The following KCND3 variants were observed in gnomAD, a reference collection of about 807,000 sequenced individuals.
The protein encoded by KCND3 is A-type voltage-gated potassium channel KCND3.
A neutral mutation model predicts 51.1 loss-of-function variants in KCND3; 9 were observed. The observed-to-expected ratio is 0.18, with a 90% CI of 0.11 to 0.31. KCND3 has a LOEUF of 0.31. KCND3 is among the 10% of genes least tolerant of loss of function. The probability of loss-of-function intolerance (pLI) is 1.00; values close to 1 mark genes in which losing one functional copy is unlikely to be tolerated. For missense variants in KCND3, 526 were observed against 903.8 expected (o/e 0.58, Z 5.36); for synonymous variants, 349 against 368.0 (o/e 0.95, Z 0.59).
intron 3 of KCND3, among the ~76,000 whole-genome samples, chr1:111,781,269 A>G (rs1269111839): frequency 2.0e-5 from 3 of 152,152 alleles, no homozygotes; most frequent in African/African-American, 4.8e-5. Context: ...GAGTGGGCCT[A>G]TGTGCTCTTC....
At chr1:111,870,337 T>C (rs1229156113) in intron 2 of KCND3, among the ~76,000 whole-genome samples, 3 of 152,106 alleles carry the variant, frequency 2.0e-5, no homozygotes, top group Non-Finnish European at 4.4e-5. Flanking sequence ...TAGGGGGCAA[T>C]TGCAGTGCAG....
chr1:111,858,610 T>C (rs1396493963), intron 2 of KCND3, among the ~76,000 whole-genome samples: 1 of 152,198 alleles, frequency 6.6e-6, no homozygotes, highest in African/African-American at 2.4e-5. Context: ...CCTAAAAGTG[T>C]TGTGGGCCCT....
At chr1:111,892,849 T>C (rs1275271839) in intron 2 of KCND3, among the ~76,000 whole-genome samples, 1 of 152,194 alleles carries the variant, frequency 6.6e-6, no homozygotes, top group African/African-American at 2.4e-5. Flanking sequence ...AGGAAGACTT[T>C]CTGAAAACCA....
intron 2 of KCND3, among the ~76,000 whole-genome samples, chr1:111,809,394 C>T (rs1046863181): frequency 2.0e-5 from 3 of 151,852 alleles, no homozygotes; most frequent in East Asian, 1.9e-4. Flanking sequence ...CTGCAAGCTC[C>T]GCCTCCCAGG....
chr1:111,833,437 A>G (rs1666932999), intron 2 of KCND3, among the ~76,000 whole-genome samples: 1 of 152,260 alleles, frequency 6.6e-6, no homozygotes, highest in African/African-American at 2.4e-5. Flanking sequence ...AATGACAAGG[A>G]GCCTGAGGCC....
At chr1:111,908,366 A>G (rs972734710) in intron 2 of KCND3, among the ~76,000 whole-genome samples, 2 of 152,222 alleles carry the variant, frequency 1.3e-5, no homozygotes, top group Non-Finnish European at 2.9e-5. Context: ...ACCCTTTTGG[A>G]ATGTTCTGAA....
At chr1:111,926,813 C>G (rs982678049) in intron 2 of KCND3, among the ~76,000 whole-genome samples, 1 of 152,276 alleles carries the variant, frequency 6.6e-6, no homozygotes, top group Admixed American at 6.5e-5. Flanking sequence ...ACTGCTAGAT[C>G]GTCAGCCTGG....
At chr1:111,912,319 C>CATGCATT (rs1670991651) in intron 2 of KCND3, among the ~76,000 whole-genome samples, 4 of 152,228 alleles carry the variant, frequency 2.6e-5, no homozygotes, top group Admixed American at 2.0e-4. Context: ...GTCATCTTAA[C>CATGCATT]ACTGTAGTGC....
chr1:111,882,406 G>A (rs1669374906), intron 2 of KCND3, among the ~76,000 whole-genome samples: 1 of 152,226 alleles, frequency 6.6e-6, no homozygotes, highest in Admixed American at 6.5e-5. Context: ...AAGATGACCT[G>A]CTGCTGGTCT....
chr1:111,961,206 T>C (rs1673637291), intron 2 of KCND3, among the ~76,000 whole-genome samples: 1 of 152,186 alleles, frequency 6.6e-6, no homozygotes. Flanking sequence ...ACATATGCAG[T>C]GTGTGTCCTC....
At chr1:111,811,571 G>T (rs1365829594) in intron 2 of KCND3, among the ~76,000 whole-genome samples, 2 of 152,064 alleles carry the variant, frequency 1.3e-5, no homozygotes, top group Non-Finnish European at 2.9e-5. Context: ...TTAAGGTTTG[G>T]GTATTTCTGA....
At chr1:111,805,722 T>TTA (rs1665535520) in intron 2 of KCND3, among the ~76,000 whole-genome samples, 1 of 152,172 alleles carries the variant, frequency 6.6e-6, no homozygotes, top group African/African-American at 2.4e-5. Context: ...CTGGCCCATG[T>TTA]GGCTAGGGGA....
intron 2 of KCND3, among the ~76,000 whole-genome samples, chr1:111,958,536 A>G (rs1673459380): frequency 6.6e-6 from 1 of 152,246 alleles, no homozygotes; most frequent in Non-Finnish European, 1.5e-5. Context: ...TAGAAACAGG[A>G]AAATTAAGTA....
chr1:111,961,092 C>T (rs147605499), intron 2 of KCND3, among the ~76,000 whole-genome samples: 1,697 of 152,260 alleles, frequency 0.011, 30 homozygotes, highest in African/African-American at 0.039. Context: ...TCCAGGGACC[C>T]GGGCTACAGC....
intron 2 of KCND3, among the ~76,000 whole-genome samples, chr1:111,971,459 T>C (rs572974116): frequency 3.3e-5 from 5 of 152,318 alleles, no homozygotes; most frequent in Non-Finnish European, 5.9e-5. Context: ...AAGCTGTTCA[T>C]AGACAGCACC....
At chr1:111,955,728 A>G (rs539828533) in intron 2 of KCND3, among the ~76,000 whole-genome samples, 1 of 152,378 alleles carries the variant, frequency 6.6e-6, no homozygotes, top group South Asian at 2.1e-4. Context: ...ACTCAATGAA[A>G]GAATGAATTC....
At position 111,982,810 on chromosome 1, in the gene KCND3, G is replaced by A. The variant is rs1003551153; in HGVS notation, c.-72-12C>T. 6.6e-7 allele frequency: 1 copy of A among 1,523,076 alleles called. No individual in the cohort carries two copies. Among genetic ancestry groups the A allele is most frequent in the Non-Finnish European group, 8.8e-7 (1 of 1,135,288 alleles). 94.3% of individuals were successfully genotyped at this position (1,523,076 alleles called of 1,614,324 possible). ...TAGTTCAGCAAACCCTGGGAGACAG[G>A]AGGGGAGAGAGAGAAGCGGTGAGTC... On this transcript the variant is annotated splice_polypyrimidine_tract_variant and intron_variant, in intron 1 of 7. Transcript: ENST00000302127. The surrounding 1 kb of genome is among the most constrained non-coding windows in gnomAD (Gnocchi z 8.5).
rs983052116 is a variant in KCND3, at chr1:111,989,535, C to T, written c.-103G>A. Among the ~76,000 whole-genome samples the T allele has an allele frequency of 1.3e-5, 2 of 150,282 alleles. No homozygotes were observed. Among genetic ancestry groups the T allele is most frequent in the Non-Finnish European group, 3.0e-5 (2 of 67,480 alleles). ...GCGAAGCCAGCCCGGGCCCCGCGCCCGGCGCCCCGCGCGCGCGAGGAAGCT... is the reference window on the plus strand; with the variant it reads ...GCGAAGCCAGCCCGGGCCCCGCGCCTGGCGCCCCGCGCGCGCGAGGAAGCT... On this transcript the variant is annotated 5_prime_UTR_variant, in exon 1 of 8. Coordinates refer to ENST00000302127, the MANE Select transcript of KCND3 (RefSeq NM_001378969.1).
At chr1:111,812,558 G>A (rs1665903078) in intron 2 of KCND3, among the ~76,000 whole-genome samples, 1 of 152,232 alleles carries the variant, frequency 6.6e-6, no homozygotes, top group Non-Finnish European at 1.5e-5. Context: ...ACCGTGCTAA[G>A]CACTTTCTTC....
Sources: allele counts gnomAD v4.1 joint callset (sites outside exome capture counted in the v4.1 genomes callset), GRCh38; gene constraint gnomAD v4.1.1; non-coding constraint Gnocchi (gnomAD v3.1); transcripts MANE v1.5; gene names NCBI Gene and HGNC (gene_info 2026-07-23, HGNC 2026-07-21).